IL1RAPL2: variants seen among roughly 807,000 people sequenced by gnomAD.
The protein encoded by IL1RAPL2 is interleukin 1 receptor accessory protein like 2, also known as X-linked interleukin-1 receptor accessory protein-like 2.
IL1RAPL2 carries 3 observed loss-of-function variants against 44.1 expected under a neutral mutation model. The ratio of observed to expected loss-of-function variants is 0.07; its 90% CI spans 0.03 to 0.18. The LOEUF is 0.18. Among genes scored for constraint, IL1RAPL2 ranks in the 10% least tolerant of loss-of-function variants. IL1RAPL2 has a pLI of 1.00. For synonymous variants in IL1RAPL2, 181 were observed against 178.8 expected, an observed-to-expected ratio of 1.01 and a Z score of -0.10; for missense variants, 391 against 496.4, an observed-to-expected ratio of 0.79 and a Z score of 2.02.
chrX:104,777,181 C>T (rs887258939), intron 2 of IL1RAPL2, among the ~76,000 whole-genome samples: 15 of 111,170 alleles, frequency 1.3e-4, no homozygotes, highest in Admixed American at 8.7e-4. Context: ...TAAACTGAAA[C>T]TCTATATCCA....
intron 6 of IL1RAPL2, among the ~76,000 whole-genome samples, chrX:105,489,696 TTC>T (rs1197764324): frequency 2.9e-4 from 32 of 109,342 alleles, no homozygotes; most frequent in African/African-American, 1.0e-3. Context: ...CTTTCTTTCT[TTC>T]TTTTTCTTTC....
intron 3 of IL1RAPL2, chrX:105,219,035 C>T (rs1556172173): frequency 4.1e-6 from 5 of 1,209,432 alleles, no homozygotes; most frequent in African/African-American, 3.5e-5. Flanking sequence ...AAATTCACAG[C>T]GTTACACCAA....
chrX:104,833,898 C>G (rs1012143573), intron 2 of IL1RAPL2, among the ~76,000 whole-genome samples: 13 of 111,839 alleles, frequency 1.2e-4, no homozygotes, highest in African/African-American at 4.2e-4. Flanking sequence ...TCTTTAGACT[C>G]TTTAATATTA....
chrX:105,233,698 T>A (rs782760439), intron 3 of IL1RAPL2, 120 bp from the exon 4 acceptor site: 25 of 557,222 alleles, frequency 4.5e-5, no homozygotes, highest in Non-Finnish European at 6.4e-5. Flanking sequence ...GCTTTGATGT[T>A]TTTTTCTGAT....
At chrX:104,885,959 A>G (rs1277640041) in intron 2 of IL1RAPL2, among the ~76,000 whole-genome samples, 3 of 112,792 alleles carry the variant, frequency 2.7e-5, no homozygotes, top group Non-Finnish European at 5.6e-5. Context: ...TGCCCGGGCA[A>G]GCGCCAGCTC....
intron 5 of IL1RAPL2, among the ~76,000 whole-genome samples, chrX:105,289,859 G>A (rs908349703): frequency 9.0e-6 from 1 of 111,722 alleles, no homozygotes; most frequent in Admixed American, 9.6e-5. Flanking sequence ...AGATAGAATA[G>A]GTTCAAGCTC....
chrX:105,349,045 G>C (rs775679770), intron 5 of IL1RAPL2, among the ~76,000 whole-genome samples: 2 of 112,338 alleles, frequency 1.8e-5, no homozygotes, highest in East Asian at 5.6e-4. Context: ...CCAGTTTCAA[G>C]TGCTCTGGAA....
At position 105,219,387 on chromosome X, in the gene IL1RAPL2, C is replaced by T. The variant is rs111640100; in HGVS notation, c.357-14431C>T. The T allele has an allele frequency of 7.8e-3, 9,468 of 1,208,173 alleles. 80 individuals are homozygous for T. Among genetic ancestry groups the T allele is most frequent in the Non-Finnish European group, 7.1e-3 (6,312 of 894,659 alleles). On this transcript the variant is annotated intron_variant, in intron 3 of 10. Coordinates refer to ENST00000372582, the MANE Select transcript of IL1RAPL2 (RefSeq NM_017416.2). ...AGAAATAAGATGTGGCTGTTTCGAC[C>T]GACCGGAGATCTCCCTCCTTCTGCC...
In IL1RAPL2 at chrX:105,205,552, G is replaced by A. The variant is rs1294756503; in HGVS notation, c.356+9804G>A. Among the ~76,000 whole-genome samples, 3 of 80,565 alleles carry A rather than the reference G, an allele frequency of 3.7e-5. No homozygotes were observed. The Admixed American group carries it at 5.5e-4, about 15-fold the overall frequency. The allele number at this position is 80,565 out of a possible 115,157, so 70.0% of individuals were successfully genotyped here. On this transcript the variant is annotated intron_variant, in intron 3 of 10. Transcript: ENST00000372582. ...TTGCAGTGAGCTGAGACTGCGCCAC[G>A]GCACTCCAGCCTCGGCGACAGAGCA...
chrX:105,481,037 T>C (rs2036229737), intron 5 of IL1RAPL2, among the ~76,000 whole-genome samples: 1 of 111,697 alleles, frequency 9.0e-6, no homozygotes. Context: ...GGGGAAAAGG[T>C]GTATATGTGT....
intron 1 of IL1RAPL2, among the ~76,000 whole-genome samples, chrX:104,585,891 G>C (rs1026583400): frequency 1.3e-4 from 14 of 111,044 alleles, no homozygotes; most frequent in African/African-American, 4.6e-4. Flanking sequence ...TGTGAATAGT[G>C]GTGCAATGAA....
intron 7 of IL1RAPL2, among the ~76,000 whole-genome samples, chrX:105,720,255 A>G (rs2038291510): frequency 9.0e-6 from 1 of 111,371 alleles, no homozygotes; most frequent in South Asian, 3.8e-4. Flanking sequence ...AAAGTATGCA[A>G]TTTGTAAGGG....
intron 1 of IL1RAPL2, among the ~76,000 whole-genome samples, chrX:104,578,578 A>G (rs1056396961): frequency 8.9e-6 from 1 of 111,792 alleles, no homozygotes; most frequent in African/African-American, 3.3e-5. Flanking sequence ...CCAGCACAGT[A>G]GTAAAGAGAT....
chrX:105,144,213 G>A (rs2033158215), intron 2 of IL1RAPL2, among the ~76,000 whole-genome samples: 1 of 106,494 alleles, frequency 9.4e-6, no homozygotes, highest in Admixed American at 1.0e-4. Context: ...TCTTTCCTGT[G>A]CTCTTGGCTG....
At chrX:105,477,340 C>T (rs1018668142) in intron 5 of IL1RAPL2, among the ~76,000 whole-genome samples, 2 of 111,090 alleles carry the variant, frequency 1.8e-5, no homozygotes, top group Admixed American at 9.7e-5. Flanking sequence ...ATATTTTTAT[C>T]GTATGGAGCT....
chrX:104,783,156 A>T (rs1006161784), intron 2 of IL1RAPL2, among the ~76,000 whole-genome samples: 6 of 112,149 alleles, frequency 5.4e-5, no homozygotes, highest in Non-Finnish European at 9.4e-5. Flanking sequence ...ATGTTTCTCT[A>T]TGTGAGTTCT....
At chrX:105,155,927 G>A (rs1164180755) in intron 2 of IL1RAPL2, among the ~76,000 whole-genome samples, 2 of 111,089 alleles carry the variant, frequency 1.8e-5, no homozygotes, top group Non-Finnish European at 3.8e-5. Flanking sequence ...TTGTCCCAAC[G>A]GAGCACTGTG....
At chrX:104,976,066 G>C (rs1199275227) in intron 2 of IL1RAPL2, among the ~76,000 whole-genome samples, 1 of 111,064 alleles carries the variant, frequency 9.0e-6, no homozygotes. Flanking sequence ...TACAGAATAA[G>C]TCCAATCGTA....
intron 1 of IL1RAPL2, among the ~76,000 whole-genome samples, chrX:104,632,276 G>A (rs915556485): frequency 5.4e-5 from 6 of 111,521 alleles, no homozygotes; most frequent in Admixed American, 9.5e-5. Flanking sequence ...CAGGTAGCTC[G>A]ATGCCTCCAG....
Sources: gnomAD v4.1 joint callset for allele counts (sites outside exome capture counted in the v4.1 genomes callset) on GRCh38, gnomAD v4.1.1 for gene constraint, MANE v1.5 for transcripts, NCBI Gene and HGNC (gene_info 2026-07-23, HGNC 2026-07-21) for gene names.